The following TSNARE1 variants were observed in gnomAD, a reference collection of about 807,000 sequenced individuals.
TSNARE1 encodes the protein t-SNARE domain containing 1.
TSNARE1 carries 49 observed loss-of-function variants against 62.0 expected under a neutral mutation model. The observed-to-expected ratio is 0.79, with a 90% CI of 0.63 to 1.00. The LOEUF is 1.00. Among genes scored for constraint, TSNARE1 ranks in the 50% least tolerant of loss-of-function variants. The probability of loss-of-function intolerance (pLI) is 0.00; values close to 1 mark genes in which losing one functional copy is unlikely to be tolerated. For missense variants in TSNARE1, 755 were observed against 700.1 expected, an observed-to-expected ratio of 1.08 and a Z score of -0.88; for synonymous variants, 328 against 294.4, an observed-to-expected ratio of 1.11 and a Z score of -1.17.
At chr8:142,276,564 G>T (rs989130251) in intron 11 of TSNARE1, 1 of 985,318 alleles carries the variant, frequency 1.0e-6, no homozygotes, top group Admixed American at 6.1e-5. Context: ...AGGCCATGGT[G>T]GTCTGGGCTA....
At chr8:142,266,570 C>CAATGTAATG (rs1354673831) in intron 12 of TSNARE1, among the ~76,000 whole-genome samples, 15 of 152,348 alleles carry the variant, frequency 9.8e-5, no homozygotes, top group African/African-American at 3.6e-4. Flanking sequence ...CCTCTGCTGC[C>CAATGTAATG]AATGTAATGT....
intron 6 of TSNARE1, among the ~76,000 whole-genome samples, chr8:142,320,034 G>C (rs1189592164): frequency 1.3e-5 from 2 of 152,092 alleles, no homozygotes; most frequent in Non-Finnish European, 2.9e-5. Flanking sequence ...GGATGCAGAA[G>C]CAGAGTGCCC....
rs369619366 is a variant in TSNARE1 at position 142,345,700 on chromosome 8, C to T, written c.238+43G>A. 14 of 1,507,944 alleles carry T rather than the reference C, an allele frequency of 9.3e-6. No individual in the cohort carries two copies. The African/African-American group carries it at 1.3e-4, about 14-fold the overall frequency. The allele number at this position is 1,507,944 out of a possible 1,614,324, so 93.4% of individuals were successfully genotyped here. ...CTCCTCAGCACCTGCATCTCCAAGC[C>T]GCCTTCCCAGGACCCCTGAGACCCA... On this transcript the variant is annotated intron_variant, in intron 3 of 13. Coordinates refer to ENST00000524325, the MANE Select transcript of TSNARE1 (RefSeq NM_145003.5).
rs1833101381 is a variant in TSNARE1 at position 142,344,591 on chromosome 8, T to C, written c.239-119A>G. The C allele has an allele frequency of 2.7e-6, 3 of 1,115,742 alleles. No homozygotes were observed. In the African/African-American group the frequency reaches 4.8e-5, roughly 18 times the overall value. The allele number at this position is 1,115,742 out of a possible 1,614,324, so 69.1% of individuals were successfully genotyped here. A position where few individuals can be genotyped will look rare whatever the true frequency, so the allele number is the denominator to read the frequency against. On this transcript the variant is annotated intron_variant, in intron 3 of 13. Coordinates refer to ENST00000524325, the MANE Select transcript of TSNARE1 (RefSeq NM_145003.5). ...TCTGCTTCAGGACACGGCTGCCTGG[T>C]CCTGGCCACCACCCCTCCCTGCTGG...
intron 9 of TSNARE1, among the ~76,000 whole-genome samples, chr8:142,314,071 G>A (rs919194701): frequency 7.2e-5 from 11 of 152,216 alleles, no homozygotes; most frequent in East Asian, 3.8e-4. Flanking sequence ...GAGCCACCGC[G>A]CCCGGCCACG....
chr8:142,342,497 T>C (rs1020260812), intron 4 of TSNARE1, among the ~76,000 whole-genome samples: 1 of 152,072 alleles, frequency 6.6e-6, no homozygotes, highest in Non-Finnish European at 1.5e-5. Context: ...TAGGGACCCA[T>C]CCAGTCCCGG....
At chr8:142,255,920 TCACCATCACCATCAC>T (rs1818478553) in intron 12 of TSNARE1, among the ~76,000 whole-genome samples, 1 of 7,194 alleles carries the variant, frequency 1.4e-4, no homozygotes, top group Non-Finnish European at 7.2e-4. Context: ...ACCACCACCA[TCACCATCACCATCAC>T]CATCACCACC....
At chr8:142,375,052 G>A (rs1457597896) in intron 1 of TSNARE1, among the ~76,000 whole-genome samples, 2 of 152,226 alleles carry the variant, frequency 1.3e-5, no homozygotes, top group African/African-American at 4.8e-5. Flanking sequence ...CTCAACCACA[G>A]TACTCGACCA....
intron 1 of TSNARE1, among the ~76,000 whole-genome samples, chr8:142,397,628 T>A (rs367832503): frequency 6.6e-6 from 1 of 152,142 alleles, no homozygotes; most frequent in Non-Finnish European, 1.5e-5. Context: ...AAACAACAGT[T>A]GATCTGGCCA....
chr8:142,330,415 C>T (rs1197798420), intron 6 of TSNARE1, among the ~76,000 whole-genome samples: 2 of 152,218 alleles, frequency 1.3e-5, no homozygotes, highest in African/African-American at 4.8e-5. Context: ...AGTGGGAGCC[C>T]GCCAAGGCTC....
At chr8:142,380,755 A>C (rs1395722964) in intron 1 of TSNARE1, among the ~76,000 whole-genome samples, 2 of 152,244 alleles carry the variant, frequency 1.3e-5, no homozygotes, top group African/African-American at 4.8e-5. Flanking sequence ...GCTCCAGGAA[A>C]GTCTGAGTGG....
chr8:142,386,853 T>A (rs1837149585), intron 1 of TSNARE1, among the ~76,000 whole-genome samples: 1 of 152,134 alleles, frequency 6.6e-6, no homozygotes, highest in African/African-American at 2.4e-5. Context: ...GACAGAAACA[T>A]ATCAATGGTA....
At chr8:142,222,334 G>A (rs62650713) in intron 13 of TSNARE1, among the ~76,000 whole-genome samples, 1,546 of 13,634 alleles carry the variant, frequency 0.11, 597 homozygotes, top group Non-Finnish European at 0.12. Context: ...TCACTCACTC[G>A]CTCACTCATC....
intron 12 of TSNARE1, among the ~76,000 whole-genome samples, chr8:142,244,770 C>G (rs1355005634): frequency 6.6e-6 from 1 of 152,242 alleles, no homozygotes; most frequent in Non-Finnish European, 1.5e-5. Flanking sequence ...GAGACGCTTA[C>G]CGCAGCCCAC....
At chr8:142,262,733 C>A (rs1297983641) in intron 12 of TSNARE1, among the ~76,000 whole-genome samples, 1 of 151,730 alleles carries the variant, frequency 6.6e-6, no homozygotes, top group Non-Finnish European at 1.5e-5. Context: ...TTCCCCTTCG[C>A]CTTCCACCAT....
chr8:142,354,052 C>G (rs1834473831), intron 2 of TSNARE1, among the ~76,000 whole-genome samples: 1 of 152,162 alleles, frequency 6.6e-6, no homozygotes, highest in Non-Finnish European at 1.5e-5. Flanking sequence ...GCCAAGCTGA[C>G]AGCAGAGCAG....
At chr8:142,330,827 G>T in intron 6 of TSNARE1, 74 bp downstream of exon 6, 2 of 1,489,590 alleles carry the variant, frequency 1.3e-6, no homozygotes, top group Non-Finnish European at 1.9e-6. Context: ...GTGCACAGGA[G>T]GACCACACTC....
At chr8:142,349,998 C>T (rs570268049) in intron 2 of TSNARE1, among the ~76,000 whole-genome samples, 181 of 145,300 alleles carry the variant, frequency 1.2e-3, no homozygotes, top group Non-Finnish European at 1.9e-3. Context: ...CCAGGGCAGG[C>T]AGGGCGGGCA....
chr8:142,292,631 G>GCAAGGT (rs776569672), intron 10 of TSNARE1, among the ~76,000 whole-genome samples: 38 of 152,166 alleles, frequency 2.5e-4, no homozygotes, highest in East Asian at 1.2e-3. Flanking sequence ...GGAATGAGAA[G>GCAAGGT]CAAGGTCAAG....
Sources: allele counts gnomAD v4.1 joint callset (sites outside exome capture counted in the v4.1 genomes callset), GRCh38; gene constraint gnomAD v4.1.1; transcripts MANE v1.5; gene names NCBI Gene and HGNC (gene_info 2026-07-23, HGNC 2026-07-21).